The following LRMDA variants were observed in gnomAD, a reference collection of about 807,000 sequenced individuals.
LRMDA encodes leucine-rich melanocyte differentiation-associated protein.
LRMDA carries 18 observed loss-of-function variants against 29.8 expected under a neutral mutation model. The ratio of observed to expected loss-of-function variants is 0.60; its 90% CI spans 0.42 to 0.90. LRMDA has a LOEUF of 0.90. Among genes scored for constraint, LRMDA ranks in the 40% least tolerant of loss-of-function variants. LRMDA has a pLI of 0.00. For synonymous variants in LRMDA, 125 were observed against 109.4 expected (o/e 1.14, Z -0.89); for missense variants, 273 against 273.9 (o/e 1.00, Z 0.02).
chr10:76,523,063 G>T (rs2132363981), intron 6 of LRMDA, among the ~76,000 whole-genome samples: 1 of 151,890 alleles, frequency 6.6e-6, no homozygotes, highest in Admixed American at 6.6e-5. Context: ...TCCTGCAAAT[G>T]GGTACCTGCC....
At chr10:75,862,991 C>G (rs945784039) in intron 2 of LRMDA, among the ~76,000 whole-genome samples, 4 of 151,406 alleles carry the variant, frequency 2.6e-5, no homozygotes, top group African/African-American at 9.7e-5. Flanking sequence ...TTTGTTTGGT[C>G]CTGGCTTATA....
chr10:75,789,279 G>C (rs772017527), intron 2 of LRMDA, among the ~76,000 whole-genome samples: 1 of 152,224 alleles, frequency 6.6e-6, no homozygotes, highest in Non-Finnish European at 1.5e-5. Flanking sequence ...AGCACTTACA[G>C]CAGAGCCTGG....
intron 5 of LRMDA, among the ~76,000 whole-genome samples, chr10:76,084,603 T>C (rs1045352186): frequency 6.6e-6 from 1 of 152,152 alleles, no homozygotes; most frequent in African/African-American, 2.4e-5. Flanking sequence ...TGAATTCTTT[T>C]GGTTCAGTTT....
intron 2 of LRMDA, among the ~76,000 whole-genome samples, chr10:75,586,557 C>T (rs1027973151): frequency 6.6e-6 from 1 of 151,790 alleles, no homozygotes; most frequent in East Asian, 1.9e-4. Context: ...AGGGCTTCAC[C>T]GTGTTGTCCT....
At chr10:76,548,327 C>T (rs1843446294) in intron 6 of LRMDA, among the ~76,000 whole-genome samples, 1 of 133,568 alleles carries the variant, frequency 7.5e-6, no homozygotes, top group African/African-American at 3.1e-5. Context: ...GTTTACCATT[C>T]TGTATTGAAG....
At chr10:76,303,150 C>T (rs1013126992) in intron 5 of LRMDA, among the ~76,000 whole-genome samples, 2 of 151,502 alleles carry the variant, frequency 1.3e-5, no homozygotes, top group African/African-American at 2.4e-5. Flanking sequence ...TTTGTTTTAG[C>T]ACATTGTCTA....
chr10:76,095,770 A>C (rs557025784), intron 5 of LRMDA, among the ~76,000 whole-genome samples: 11 of 152,294 alleles, frequency 7.2e-5, no homozygotes, highest in African/African-American at 2.6e-4. Flanking sequence ...TTAATGACTA[A>C]TGATGTTGGG....
At chr10:76,456,218 G>A (rs1367482416) in intron 6 of LRMDA, among the ~76,000 whole-genome samples, 1 of 152,188 alleles carries the variant, frequency 6.6e-6, no homozygotes, top group Non-Finnish European at 1.5e-5. Flanking sequence ...CTTCTAGAGT[G>A]GGGTGTGTTG....
At chr10:75,804,456 CA>C (rs772234388) in intron 2 of LRMDA, among the ~76,000 whole-genome samples, 2 of 152,160 alleles carry the variant, frequency 1.3e-5, no homozygotes, top group African/African-American at 2.4e-5. Context: ...TGACTGGTGA[CA>C]AAAAATCAGG....
intron 6 of LRMDA, among the ~76,000 whole-genome samples, chr10:76,424,558 A>G (rs1036671098): frequency 6.6e-6 from 1 of 151,898 alleles, no homozygotes; most frequent in Admixed American, 6.6e-5. Context: ...AAACAAAAAC[A>G]AAAACAGGTA....
chr10:76,410,779 C>A (rs1841952528), intron 6 of LRMDA, among the ~76,000 whole-genome samples: 1 of 152,032 alleles, frequency 6.6e-6, no homozygotes, highest in Non-Finnish European at 1.5e-5. Flanking sequence ...CATGGTGAAA[C>A]CCTGTCTCTA....
chr10:75,627,432 A>T (rs760448179), intron 2 of LRMDA, among the ~76,000 whole-genome samples: 2 of 152,220 alleles, frequency 1.3e-5, no homozygotes, highest in African/African-American at 2.4e-5. Context: ...AGAAAAGATC[A>T]TAGGTCTTTA....
At chr10:75,580,257 A>G (rs1018059796) in intron 2 of LRMDA, among the ~76,000 whole-genome samples, 2 of 152,244 alleles carry the variant, frequency 1.3e-5, no homozygotes, top group Non-Finnish European at 2.9e-5. Flanking sequence ...CAAAATCACA[A>G]ACATTCCTAT....
chr10:75,818,649 C>T (rs960790608), intron 2 of LRMDA, among the ~76,000 whole-genome samples: 7 of 152,338 alleles, frequency 4.6e-5, no homozygotes, highest in South Asian at 2.1e-4. Context: ...TTTGCAGAGA[C>T]GAAAGTTTTC....
chr10:75,977,498 A>G lies in LRMDA; in HGVS notation c.132-58510A>G, dbSNP rs190203835. On this transcript the variant is annotated intron_variant, in intron 2 of 6. Coordinates refer to ENST00000611255, the MANE Select transcript of LRMDA (RefSeq NM_001305581.2). ...GAGGGGCAGGAGCAAAGATTTTCTG[A>G]ATCTTCTTTTTGGACATCTTTTTAA... Among the ~76,000 whole-genome samples the G allele has an allele frequency of 5.9e-5, 9 of 152,304 alleles. 1 individual carries two copies. Among genetic ancestry groups the G allele is most frequent in the East Asian group, 5.8e-4 (3 of 5,182 alleles).
At chr10:76,038,589 C>A (rs1290007336) in intron 3 of LRMDA, among the ~76,000 whole-genome samples, 1 of 152,144 alleles carries the variant, frequency 6.6e-6, no homozygotes, top group Non-Finnish European at 1.5e-5. Context: ...CTACTTGACT[C>A]AGAAGTCACA....
chr10:76,214,652 A>G (rs1249107466), intron 5 of LRMDA, among the ~76,000 whole-genome samples: 1 of 152,094 alleles, frequency 6.6e-6, no homozygotes, highest in African/African-American at 2.4e-5. Context: ...CCGCAACATC[A>G]TTTCTTAATA....
chr10:76,478,899 G>C (rs1450651942), intron 6 of LRMDA, among the ~76,000 whole-genome samples: 3 of 150,442 alleles, frequency 2.0e-5, no homozygotes, highest in African/African-American at 4.9e-5. Context: ...GCCTGTTGTG[G>C]GGTGTGGGGG....
At chr10:75,878,479 T>C (rs1022271459) in intron 2 of LRMDA, among the ~76,000 whole-genome samples, 1 of 151,868 alleles carries the variant, frequency 6.6e-6, no homozygotes, top group African/African-American at 2.4e-5. Flanking sequence ...TTCTGCGTCA[T>C]CCCGCCTCAA....
Sources: allele counts gnomAD v4.1 joint callset (sites outside exome capture counted in the v4.1 genomes callset), GRCh38; gene constraint gnomAD v4.1.1; transcripts MANE v1.5; gene names NCBI Gene and HGNC (gene_info 2026-07-23, HGNC 2026-07-21).